The following CPED1 variants were observed in gnomAD, a reference collection of about 807,000 sequenced individuals.
The protein encoded by CPED1 is cadherin like and PC-esterase domain containing 1.
A neutral mutation model predicts 128.2 loss-of-function variants in CPED1; 114 were observed. The observed-to-expected ratio is 0.89, with a 90% confidence interval of 0.76 to 1.04. The LOEUF is 1.04. Among genes scored for constraint, CPED1 ranks in the 50% least tolerant of loss-of-function variants. CPED1 has a pLI of 0.00. For synonymous variants in CPED1, 462 were observed against 426.7 expected, an observed-to-expected ratio of 1.08 and a Z score of -1.02; for missense variants, 1,211 against 1,207.1, an observed-to-expected ratio of 1.00 and a Z score of -0.05.
At chr7:121,245,702 AT>A (rs763119181) in intron 18 of CPED1, among the ~76,000 whole-genome samples, 552 of 140,694 alleles carry the variant, frequency 3.9e-3, no homozygotes, top group Non-Finnish European at 4.0e-3. Flanking sequence ...CTCCACAGGC[AT>A]TTTTTTTTTT....
chr7:121,077,319 A>T (rs79719512), intron 5 of CPED1, among the ~76,000 whole-genome samples: 1 of 152,196 alleles, frequency 6.6e-6, no homozygotes, highest in African/African-American at 2.4e-5. Flanking sequence ...GTCAAATTTT[A>T]AAAATGACTG....
chr7:121,084,776 T>G lies in CPED1; in HGVS notation c.617-12923T>G, dbSNP rs530039392. Among the ~76,000 whole-genome samples the G allele has an allele frequency of 1.8e-3, 269 of 152,340 alleles. 2 individuals carry two copies. The highest frequency in any genetic ancestry group is 3.4e-3 in the Non-Finnish European group (232 of 68,026). On this transcript the variant is annotated intron_variant, in intron 5 of 22. Coordinates refer to ENST00000310396, the MANE Select transcript of CPED1 (RefSeq NM_024913.5). ...TATCCATTGAGACATTCAAAAGTTATGTGGGACAGGGGACAATGTGTTGTT... is the reference window on the plus strand; with the variant it reads ...TATCCATTGAGACATTCAAAAGTTAGGTGGGACAGGGGACAATGTGTTGTT...
At chr7:121,038,745 A>G (rs1455930152) in intron 3 of CPED1, among the ~76,000 whole-genome samples, 1 of 151,896 alleles carries the variant, frequency 6.6e-6, no homozygotes, top group Non-Finnish European at 1.5e-5. Flanking sequence ...ACAGTTTCTC[A>G]GACTTTCCAT....
chr7:121,291,563 T>C (rs2116790993), intron 22 of CPED1, among the ~76,000 whole-genome samples: 1 of 152,334 alleles, frequency 6.6e-6, no homozygotes, highest in East Asian at 1.9e-4. Context: ...TTTGTAGCAA[T>C]TGTGAATAGG....
intron 16 of CPED1, among the ~76,000 whole-genome samples, chr7:121,188,088 T>C (rs758796915): frequency 6.6e-6 from 1 of 152,296 alleles, no homozygotes; most frequent in South Asian, 2.1e-4. Flanking sequence ...GGTATTTTAG[T>C]TATATAAAAT....
At chr7:121,035,501 T>C (rs983402046) in intron 3 of CPED1, among the ~76,000 whole-genome samples, 1 of 152,080 alleles carries the variant, frequency 6.6e-6, no homozygotes, top group Non-Finnish European at 1.5e-5. Flanking sequence ...CCTTATGCCT[T>C]CTAGTTTGAG....
At chr7:121,196,622 T>C (rs1797279230) in intron 16 of CPED1, among the ~76,000 whole-genome samples, 1 of 152,138 alleles carries the variant, frequency 6.6e-6, no homozygotes, top group Non-Finnish European at 1.5e-5. Context: ...TGGGGACATG[T>C]AAAATTTAGT....
At chr7:121,115,364 C>T (rs1436362681) in intron 7 of CPED1, among the ~76,000 whole-genome samples, 2 of 152,130 alleles carry the variant, frequency 1.3e-5, no homozygotes. Context: ...TCATAAATTT[C>T]CTATGGATTC....
intron 16 of CPED1, among the ~76,000 whole-genome samples, chr7:121,145,997 A>T (rs1183354286): frequency 6.6e-6 from 1 of 152,144 alleles, no homozygotes; most frequent in Non-Finnish European, 1.5e-5. Context: ...CCTACATTTC[A>T]AATTAGATTT....
intron 7 of CPED1, among the ~76,000 whole-genome samples, chr7:121,111,114 G>A (rs1371734497): frequency 6.6e-6 from 1 of 152,060 alleles, no homozygotes; most frequent in Non-Finnish European, 1.5e-5. Flanking sequence ...GAGGTGGAGA[G>A]GCACACAGGT....
chr7:121,095,485 T>A (rs1720077350), intron 5 of CPED1, among the ~76,000 whole-genome samples: 1 of 151,992 alleles, frequency 6.6e-6, no homozygotes, highest in Admixed American at 6.6e-5. Context: ...TACAGAGGTT[T>A]TTTTTTTTCT....
chr7:121,104,040 T>C (rs1427950776), intron 7 of CPED1, among the ~76,000 whole-genome samples: 1 of 152,144 alleles, frequency 6.6e-6, no homozygotes, highest in Non-Finnish European at 1.5e-5. Context: ...TGTTAGATGT[T>C]TCCCAAGGAT....
chr7:121,047,731 G>A lies in CPED1; in HGVS notation c.540+738G>A, dbSNP rs1266753402. Among the ~76,000 whole-genome samples, 4 of 121,502 alleles carry A rather than the reference G, an allele frequency of 3.3e-5. No individual in the cohort carries two copies. In the South Asian group the frequency reaches 1.0e-3, roughly 31 times the overall value. 79.7% of individuals were successfully genotyped at this position (121,502 alleles called of 152,430 possible). ...CTTCTTCTTCTTTTTTTTTTTTTGA[G>A]ACGTAATCTTGCTCCATCGCCCAGG... On this transcript the variant is annotated intron_variant, in intron 4 of 22. Transcript: ENST00000310396.
intron 2 of CPED1, among the ~76,000 whole-genome samples, chr7:121,013,366 T>A (rs147938015): frequency 2.0e-3 from 306 of 152,304 alleles, no homozygotes; most frequent in African/African-American, 7.1e-3. Context: ...ATCTAATCAA[T>A]CTTGTTCTCC....
At chr7:121,239,042 G>A (rs1246109406) in intron 17 of CPED1, among the ~76,000 whole-genome samples, 1 of 152,106 alleles carries the variant, frequency 6.6e-6, no homozygotes, top group Non-Finnish European at 1.5e-5. Context: ...AACAAGTGAG[G>A]TCAGGATAGC....
At chr7:121,003,158 C>T (rs941192014) in intron 2 of CPED1, among the ~76,000 whole-genome samples, 1 of 152,170 alleles carries the variant, frequency 6.6e-6, no homozygotes, top group Non-Finnish European at 1.5e-5. Context: ...AGCTCTTAAA[C>T]TCTGATTATT....
At chr7:121,267,517 C>CA (rs1272445031) in intron 21 of CPED1, among the ~76,000 whole-genome samples, 2 of 151,906 alleles carry the variant, frequency 1.3e-5, no homozygotes, top group African/African-American at 4.8e-5. Context: ...GCTGAATCCA[C>CA]ACAAAAAAAT....
chr7:121,173,070 G>A (rs1455381113), intron 16 of CPED1, among the ~76,000 whole-genome samples: 1 of 152,164 alleles, frequency 6.6e-6, no homozygotes, highest in Non-Finnish European at 1.5e-5. Context: ...GCAGCTGACA[G>A]GGGGTTGGTA....
Position 121,065,977 on chromosome 7 carries a change from G to A in CPED1, c.616+1664G>A, listed in dbSNP as rs1355054511. On this transcript the variant is annotated intron_variant, in intron 5 of 22. Coordinates refer to ENST00000310396, the MANE Select transcript of CPED1 (RefSeq NM_024913.5). ...AGAAATGTCTGCAGCATTATTTTCT[G>A]ATCTAAGTTTTATAAAGCGTAGCTT... Among the ~76,000 whole-genome samples the A allele has an allele frequency of 2.0e-5, 3 of 151,930 alleles. No individual in the cohort carries two copies. In the East Asian group the frequency reaches 5.8e-4, roughly 29 times the overall value.
Sources: gnomAD v4.1 joint callset for allele counts (sites outside exome capture counted in the v4.1 genomes callset) on GRCh38, gnomAD v4.1.1 for gene constraint, MANE v1.5 for transcripts, NCBI Gene and HGNC (gene_info 2026-07-23, HGNC 2026-07-21) for gene names.